The following PRKAR2B variants were observed in gnomAD, a reference collection of about 807,000 sequenced individuals.
PRKAR2B encodes the protein protein kinase cAMP-dependent type II regulatory subunit beta.
In PRKAR2B, 14 loss-of-function variants were observed where a neutral mutation model predicts 49.9. The ratio of observed to expected loss-of-function variants is 0.28; its 90% CI spans 0.19 to 0.44. PRKAR2B has a LOEUF of 0.44. PRKAR2B is among the 20% of genes least tolerant of loss of function. PRKAR2B has a pLI of 1.00. For synonymous variants in PRKAR2B, 196 were observed against 197.7 expected, an observed-to-expected ratio of 0.99 and a Z score of 0.07; for missense variants, 393 against 537.9, an observed-to-expected ratio of 0.73 and a Z score of 2.67.
chr7:107,066,020 T>C (rs571485671), intron 1 of PRKAR2B, among the ~76,000 whole-genome samples: 2 of 152,308 alleles, frequency 1.3e-5, no homozygotes, highest in East Asian at 3.9e-4. Flanking sequence ...TAGTGGAATA[T>C]AGTTTGGCAA....
chr7:107,105,150 T>C (rs1481458686), intron 2 of PRKAR2B, among the ~76,000 whole-genome samples: 1 of 152,196 alleles, frequency 6.6e-6, no homozygotes, highest in Non-Finnish European at 1.5e-5. Context: ...TAAACAAAAC[T>C]GGACTGGGGT....
At chr7:107,142,347 A>G (rs1037920464) in intron 5 of PRKAR2B, among the ~76,000 whole-genome samples, 1 of 152,202 alleles carries the variant, frequency 6.6e-6, no homozygotes, top group Non-Finnish European at 1.5e-5. Flanking sequence ...TTTAGAATAG[A>G]ATAAACCAGT....
chr7:107,051,496 C>G (rs568418254), intron 1 of PRKAR2B, among the ~76,000 whole-genome samples: 25 of 152,248 alleles, frequency 1.6e-4, no homozygotes, highest in African/African-American at 5.8e-4. Flanking sequence ...AAATCCTACT[C>G]TAAAAACCTC....
intron 1 of PRKAR2B, among the ~76,000 whole-genome samples, chr7:107,049,312 TAAAG>T (rs1793757857): frequency 6.6e-6 from 1 of 152,046 alleles, no homozygotes; most frequent in Admixed American, 6.5e-5. Flanking sequence ...TGATAGAAAA[TAAAG>T]AGCTGATTTT....
chr7:107,096,762 T>G (rs2707378), intron 2 of PRKAR2B, among the ~76,000 whole-genome samples: 1 of 152,168 alleles, frequency 6.6e-6, no homozygotes, highest in Non-Finnish European at 1.5e-5. Context: ...CATTTCGTTA[T>G]GTGTACCCAG....
intron 3 of PRKAR2B, among the ~76,000 whole-genome samples, chr7:107,124,989 A>G (rs1263363328): frequency 1.3e-5 from 2 of 152,202 alleles, no homozygotes; most frequent in Non-Finnish European, 2.9e-5. Flanking sequence ...AATGAAAGGC[A>G]TGTCTGTTGG....
intron 1 of PRKAR2B, among the ~76,000 whole-genome samples, chr7:107,055,508 A>G (rs1793894512): frequency 6.6e-6 from 1 of 152,098 alleles, no homozygotes. Context: ...CGCCATTCTA[A>G]CTGGTGTGAG....
intron 1 of PRKAR2B, among the ~76,000 whole-genome samples, chr7:107,046,541 A>G (rs185327505): frequency 1.9e-4 from 29 of 152,346 alleles, no homozygotes; most frequent in African/African-American, 6.5e-4. Context: ...GTTACTTACA[A>G]TTTTAATTTT....
intron 2 of PRKAR2B, among the ~76,000 whole-genome samples, chr7:107,112,831 A>G (rs758928599): frequency 2.0e-5 from 3 of 152,292 alleles, no homozygotes; most frequent in Admixed American, 1.3e-4. Context: ...GCATTGCTGT[A>G]TCACAATTTG....
intron 2 of PRKAR2B, among the ~76,000 whole-genome samples, chr7:107,084,683 C>T (rs544815737): frequency 2.9e-4 from 44 of 150,636 alleles, no homozygotes; most frequent in African/African-American, 9.5e-4. Context: ...TGCAGTGGCG[C>T]GATCATGGCT....
chr7:107,051,507 A>G (rs917294096), intron 1 of PRKAR2B, among the ~76,000 whole-genome samples: 2 of 152,180 alleles, frequency 1.3e-5, no homozygotes, highest in African/African-American at 4.8e-5. Context: ...TAAAAACCTC[A>G]CTATGATGCT....
At chr7:107,111,202 G>T (rs1217715206) in intron 2 of PRKAR2B, among the ~76,000 whole-genome samples, 3 of 151,942 alleles carry the variant, frequency 2.0e-5, no homozygotes, top group Non-Finnish European at 2.9e-5. Flanking sequence ...GGAGAGAAGA[G>T]TGGGAAGGAC....
rs530104161 is a variant in PRKAR2B at position 107,121,114 on chromosome 7, A to G, written c.344-838A>G. Reference sequence around the variant, plus strand: ...TCTGTTGTACAGTTAGGGGGGTCTTATTACATATTTTTTGTCGGACAATCG... The same window carrying G: ...TCTGTTGTACAGTTAGGGGGGTCTTGTTACATATTTTTTGTCGGACAATCG... On this transcript the variant is annotated intron_variant, in intron 2 of 10. Transcript: ENST00000265717. Among the ~76,000 whole-genome samples, 6 of 151,972 alleles carry G rather than the reference A, an allele frequency of 3.9e-5. No individual in the cohort carries two copies. In the South Asian group the frequency reaches 1.2e-3, roughly 32 times the overall value.
intron 1 of PRKAR2B, among the ~76,000 whole-genome samples, chr7:107,064,604 A>AC (rs937298802): frequency 1.0e-3 from 152 of 152,306 alleles, no homozygotes; most frequent in African/African-American, 3.4e-3. Flanking sequence ...TCTCCTTGAG[A>AC]CCAAGACCAT....
chr7:107,076,878 T>C (rs370317585), intron 2 of PRKAR2B, among the ~76,000 whole-genome samples: 1 of 152,228 alleles, frequency 6.6e-6, no homozygotes, highest in South Asian at 2.1e-4. Context: ...TGAACAGAAA[T>C]GATTATTCCC....
At chr7:107,101,084 A>G (rs546486689) in intron 2 of PRKAR2B, among the ~76,000 whole-genome samples, 1 of 145,856 alleles carries the variant, frequency 6.9e-6, no homozygotes, top group Admixed American at 6.8e-5. Context: ...TTTAGATTAT[A>G]CATTGTAGCA....
At chr7:107,047,337 T>A (rs1202165985) in intron 1 of PRKAR2B, among the ~76,000 whole-genome samples, 1 of 152,208 alleles carries the variant, frequency 6.6e-6, no homozygotes, top group African/African-American at 2.4e-5. Context: ...TGAAAAACAT[T>A]TAATTATAGG....
At chr7:107,155,849 A>G (rs1394473150) in intron 8 of PRKAR2B, among the ~76,000 whole-genome samples, 1 of 152,186 alleles carries the variant, frequency 6.6e-6, no homozygotes, top group Non-Finnish European at 1.5e-5. Flanking sequence ...AAGACATGGA[A>G]CCAACCCAAA....
At position 107,128,099 on chromosome 7, in the gene PRKAR2B, G is replaced by A. The variant is rs994522113; in HGVS notation, c.397-113G>A. 12 of 693,304 alleles carry A rather than the reference G, an allele frequency of 1.7e-5. No individual in the cohort carries two copies. In the East Asian group the frequency reaches 2.2e-4, roughly 12 times the overall value. 42.9% of individuals were successfully genotyped at this position (693,304 alleles called of 1,614,324 possible). A position where few individuals can be genotyped will look rare whatever the true frequency, so the allele number is the denominator to read the frequency against. On this transcript the variant is annotated intron_variant, in intron 3 of 10. Transcript: ENST00000265717. ...GCACCAACCTGAAGCAAACTTGAGC[G>A]CTAACAGTTCTTCTTTCTAATGTTG...
Sources: gnomAD v4.1 joint callset for allele counts (sites outside exome capture counted in the v4.1 genomes callset) on GRCh38, gnomAD v4.1.1 for gene constraint, MANE v1.5 for transcripts, NCBI Gene and HGNC (gene_info 2026-07-23, HGNC 2026-07-21) for gene names.